Variants in IQCM observed in about 807,000 individuals in gnomAD.
The protein encoded by IQCM is IQ motif containing M, also known as IQ domain-containing protein M.
IQCM carries 45 observed loss-of-function variants against 57.6 expected under a neutral mutation model. The ratio of observed to expected loss-of-function variants is 0.78; its 90% confidence interval spans 0.62 to 1.00. The LOEUF is 1.00. IQCM is among the 50% of genes least tolerant of loss of function. The probability of loss-of-function intolerance (pLI) is 0.00; values close to 1 mark genes in which losing one functional copy is unlikely to be tolerated. For synonymous variants in IQCM, 148 were observed against 158.9 expected (o/e 0.93, Z 0.51); for missense variants, 468 against 511.6 (o/e 0.91, Z 0.82).
intron 5 of IQCM, among the ~76,000 whole-genome samples, chr4:149,693,813 T>C (rs1331590483): frequency 6.6e-6 from 1 of 152,212 alleles, no homozygotes; most frequent in Non-Finnish European, 1.5e-5. Context: ...TGTCTGAAAA[T>C]AGTGTATATT....
intron 13 of IQCM, among the ~76,000 whole-genome samples, chr4:149,368,233 A>G (rs1211540919): frequency 6.6e-6 from 1 of 151,894 alleles, no homozygotes; most frequent in African/African-American, 2.4e-5. Context: ...TAAATAATTA[A>G]TTGTTTTGGA....
intron 2 of IQCM, among the ~76,000 whole-genome samples, chr4:149,768,229 C>G (rs1490211694): frequency 6.6e-6 from 1 of 152,140 alleles, no homozygotes; most frequent in Non-Finnish European, 1.5e-5. Flanking sequence ...TCAGCAAAGA[C>G]ATAATTTCAA....
At chr4:149,582,270 T>A (rs1030240438) in intron 9 of IQCM, among the ~76,000 whole-genome samples, 3 of 102,600 alleles carry the variant, frequency 2.9e-5, no homozygotes, top group South Asian at 2.8e-4. Context: ...TAATTCCTAT[T>A]TAGATGGGTC....
At chr4:149,796,667 A>AT (rs969732157) in intron 2 of IQCM, among the ~76,000 whole-genome samples, 25 of 152,120 alleles carry the variant, frequency 1.6e-4, no homozygotes, top group African/African-American at 5.1e-4. Flanking sequence ...TGGTGGCCAC[A>AT]GGGGTTCTTG....
At position 149,475,908 on chromosome 4, in the gene IQCM, A is replaced by G. The variant is rs554546833; in HGVS notation, c.1229-42351T>C. The stretch of plus-strand genomic sequence containing the variant: ...CATGAGGGACAGGGTAGGAAGGTGT[A>G]TTTCAGAGAGAATAAGATGTGAGGA... On this transcript the variant is annotated intron_variant, in intron 12 of 13. Coordinates refer to ENST00000636793, the MANE Select transcript of IQCM (RefSeq NM_001363507.2). Among the ~76,000 whole-genome samples the G allele has an allele frequency of 4.6e-5, 7 of 152,218 alleles. No individual in the cohort carries two copies. The South Asian group carries it at 1.5e-3, about 32-fold the overall frequency.
rs146766979 is a variant in IQCM, at chr4:149,751,675, G to C, written c.-48-8936C>G. On this transcript the variant is annotated intron_variant, in intron 2 of 13. Coordinates refer to ENST00000636793, the MANE Select transcript of IQCM (RefSeq NM_001363507.2). ...AAACATTTATGACAGGTCTACACCTGGTCCACTCAGTAAGTACTCATTTCC... is the reference window on the plus strand; with the variant it reads ...AAACATTTATGACAGGTCTACACCTCGTCCACTCAGTAAGTACTCATTTCC... 8.5e-5 allele frequency among the ~76,000 whole-genome samples: 13 copies of C among 152,246 alleles called. No individual in the cohort carries two copies. In the East Asian group the frequency reaches 2.3e-3, roughly 27 times the overall value.
At chr4:149,568,672 G>A (rs1030657902) in intron 9 of IQCM, among the ~76,000 whole-genome samples, 5 of 152,048 alleles carry the variant, frequency 3.3e-5, no homozygotes, top group African/African-American at 1.2e-4. Flanking sequence ...ATGCTACCAT[G>A]GGAGGCTGAG....
intron 5 of IQCM, among the ~76,000 whole-genome samples, chr4:149,710,765 A>C (rs1484731820): frequency 6.6e-6 from 1 of 152,128 alleles, no homozygotes; most frequent in East Asian, 1.9e-4. Flanking sequence ...CTATAGCACA[A>C]TACACTTAGG....
chr4:149,626,565 T>C (rs999703860), intron 7 of IQCM, among the ~76,000 whole-genome samples: 3 of 152,008 alleles, frequency 2.0e-5, no homozygotes, highest in Admixed American at 1.3e-4. Flanking sequence ...GTAGCATCAC[T>C]GTTGCATAAC....
chr4:149,356,701 T>G (rs1729014331), intron 13 of IQCM, among the ~76,000 whole-genome samples: 1 of 152,196 alleles, frequency 6.6e-6, no homozygotes, highest in South Asian at 2.1e-4. Flanking sequence ...TTTGTTCTTT[T>G]GGCTTAGGAT....
chr4:149,390,119 T>C (rs1054823168), intron 13 of IQCM, among the ~76,000 whole-genome samples: 1 of 152,040 alleles, frequency 6.6e-6, no homozygotes, highest in Non-Finnish European at 1.5e-5. Flanking sequence ...TAATTAGATC[T>C]TATTTAATTT....
intron 7 of IQCM, among the ~76,000 whole-genome samples, chr4:149,653,460 T>C (rs1369125375): frequency 6.6e-6 from 1 of 152,036 alleles, no homozygotes; most frequent in African/African-American, 2.4e-5. Context: ...CTATATAACA[T>C]ATATGTGTGT....
At chr4:149,800,994 T>G (rs1218749294) in intron 2 of IQCM, among the ~76,000 whole-genome samples, 1 of 151,892 alleles carries the variant, frequency 6.6e-6, no homozygotes, top group Non-Finnish European at 1.5e-5. Context: ...AAAATTGATA[T>G]GGAATCACAA....
rs371348523 is a variant in IQCM at position 149,716,867 on chromosome 4, TG to T, written c.385+16376del. Reference sequence around the variant, plus strand: ...TGGAAAGGAGAGAAGGGCTGGAAATTGAGTTAATAATCAATCATGCCTACGT... The same window carrying T: ...TGGAAAGGAGAGAAGGGCTGGAAATTAGTTAATAATCAATCATGCCTACGT... On this transcript the variant is annotated intron_variant, in intron 5 of 13. Coordinates refer to ENST00000636793, the MANE Select transcript of IQCM (RefSeq NM_001363507.2). Among the ~76,000 whole-genome samples the T allele has an allele frequency of 4.1e-4, 63 of 152,142 alleles. No individual in the cohort carries two copies. In the East Asian group the frequency reaches 0.011, roughly 27 times the overall value.
chr4:149,509,914 T>G (rs943642652), intron 12 of IQCM, among the ~76,000 whole-genome samples: 1 of 152,150 alleles, frequency 6.6e-6, no homozygotes, highest in Non-Finnish European at 1.5e-5. Flanking sequence ...TTTCTTTTCA[T>G]TTCAATACTT....
intron 13 of IQCM, among the ~76,000 whole-genome samples, chr4:149,358,848 A>ATATCATGATATACTCTCATGAGTC (rs1729223706): frequency 2.0e-5 from 3 of 151,564 alleles, no homozygotes; most frequent in Admixed American, 6.6e-5. Flanking sequence ...AGTGGACAGT[A>ATATCATGATATACTCTCATGAGTC]TATCATGATA....
At chr4:149,424,105 G>T (rs72955405) in intron 13 of IQCM, among the ~76,000 whole-genome samples, 2,892 of 151,934 alleles carry the variant, frequency 0.019, 60 homozygotes, top group African/African-American at 0.057. Flanking sequence ...TTACAGTGGG[G>T]AATAAGGATA....
chr4:149,529,169 T>C (rs1054436211), intron 12 of IQCM, among the ~76,000 whole-genome samples: 3 of 152,102 alleles, frequency 2.0e-5, no homozygotes, highest in African/African-American at 4.8e-5. Flanking sequence ...GTTCAAGCAA[T>C]TCTCCCGCTT....
intron 7 of IQCM, among the ~76,000 whole-genome samples, chr4:149,641,052 C>A (rs1758144031): frequency 6.6e-6 from 1 of 152,088 alleles, no homozygotes; most frequent in African/African-American, 2.4e-5. Flanking sequence ...ATCACTTGAA[C>A]CAAGGAGGAA....
Sources: gnomAD v4.1 joint callset for allele counts (sites outside exome capture counted in the v4.1 genomes callset) on GRCh38, gnomAD v4.1.1 for gene constraint, MANE v1.5 for transcripts, NCBI Gene and HGNC (gene_info 2026-07-23, HGNC 2026-07-21) for gene names.